The following DGKG variants were observed in gnomAD, a reference collection of about 807,000 sequenced individuals.
The protein encoded by DGKG is DAG kinase gamma.
A neutral mutation model predicts 105.3 loss-of-function variants in DGKG; 78 were observed. The ratio of observed to expected loss-of-function variants is 0.74; its 90% CI spans 0.62 to 0.89. DGKG has a LOEUF of 0.89. Among genes scored for constraint, DGKG ranks in the 40% least tolerant of loss-of-function variants. DGKG has a pLI of 0.00. For synonymous variants in DGKG, 346 were observed against 367.1 expected, an observed-to-expected ratio of 0.94 and a Z score of 0.66; for missense variants, 958 against 1,020.1, an observed-to-expected ratio of 0.94 and a Z score of 0.83.
At chr3:186,150,867 C>T (rs560209328) in intron 24 of DGKG, among the ~76,000 whole-genome samples, 1 of 152,264 alleles carries the variant, frequency 6.6e-6, no homozygotes, top group East Asian at 1.9e-4. Context: ...CTCATTTTTG[C>T]CTTTATTCCC....
chr3:186,278,440 G>A (rs1039285703), intron 9 of DGKG, among the ~76,000 whole-genome samples: 4 of 152,160 alleles, frequency 2.6e-5, no homozygotes, highest in Non-Finnish European at 5.9e-5. Context: ...CGTGATGTGA[G>A]CGAGTAAGGG....
At chr3:186,225,800 T>G (rs1000012822) in intron 20 of DGKG, among the ~76,000 whole-genome samples, 2 of 152,204 alleles carry the variant, frequency 1.3e-5, no homozygotes, top group Non-Finnish European at 2.9e-5. Flanking sequence ...CCCCTGGGAA[T>G]TTCCCTGGAC....
chr3:186,211,744 C>T (rs1560097433), intron 21 of DGKG, 51 bp downstream of exon 21: 2 of 1,335,976 alleles, frequency 1.5e-6, no homozygotes, highest in East Asian at 4.6e-5. Context: ...GTGTGACAGT[C>T]CAGGAGCAGA....
At chr3:186,211,165 A>C (rs1243546775) in intron 21 of DGKG, among the ~76,000 whole-genome samples, 1 of 152,224 alleles carries the variant, frequency 6.6e-6, no homozygotes, top group Non-Finnish European at 1.5e-5. Context: ...GGCCTAGTTC[A>C]AAATGAAAAT....
intron 20 of DGKG, among the ~76,000 whole-genome samples, chr3:186,217,857 G>T (rs1336586649): frequency 2.0e-5 from 3 of 152,160 alleles, no homozygotes; most frequent in African/African-American, 7.2e-5. Context: ...ATTTATTTGG[G>T]CTTAGAAGTC....
chr3:186,242,491 G>T lies in DGKG; in HGVS notation c.1826+13C>A, dbSNP rs774674542. The stretch of plus-strand genomic sequence containing the variant: ...ACTGGGTGGGTGGCAGCGCAGCCGG[G>T]CCTGCAGCTTACCTGCTGTTGAATT... On this transcript the variant is annotated intron_variant, in intron 20 of 24. Coordinates refer to ENST00000265022, the MANE Select transcript of DGKG (RefSeq NM_001346.3). 7 of 1,609,656 alleles carry T rather than the reference G, an allele frequency of 4.3e-6. No individual in the cohort carries two copies. Among genetic ancestry groups the T allele is most frequent in the Non-Finnish European group, 4.2e-6 (5 of 1,177,502 alleles).
chr3:186,239,230 G>T (rs1720560643), intron 20 of DGKG, among the ~76,000 whole-genome samples: 1 of 152,170 alleles, frequency 6.6e-6, no homozygotes, highest in African/African-American at 2.4e-5. Flanking sequence ...ACAAAACACA[G>T]CAATGACAAC....
chr3:186,222,944 A>T (rs904571575), intron 20 of DGKG, among the ~76,000 whole-genome samples: 4 of 148,438 alleles, frequency 2.7e-5, no homozygotes, highest in Non-Finnish European at 4.5e-5. Context: ...TGGGCGACAG[A>T]GTGAGACTCT....
chr3:186,297,956 T>C (rs1723671235), intron 4 of DGKG, 108 bp downstream of exon 4: 1 of 1,336,708 alleles, frequency 7.5e-7, no homozygotes, highest in Admixed American at 2.4e-5. Flanking sequence ...GTTCGCACCG[T>C]TGGGGCAGTT....
intron 2 of DGKG, 27 bp downstream of exon 2, chr3:186,320,366 C>T: frequency 6.2e-7 from 1 of 1,613,886 alleles, no homozygotes; most frequent in Non-Finnish European, 8.5e-7. Flanking sequence ...GAAATCCCGT[C>T]CCAGGGCTGT....
rs182290999 is a variant in DGKG, at chr3:186,220,618, C to T, written c.1827-8733G>A. Among the ~76,000 whole-genome samples the T allele has an allele frequency of 2.5e-3, 384 of 152,230 alleles. 2 individuals carry two copies. Among genetic ancestry groups the T allele is most frequent in the Non-Finnish European group, 3.6e-3 (242 of 68,018 alleles). On this transcript the variant is annotated intron_variant, in intron 20 of 24. Transcript: ENST00000265022. Reference sequence around the variant, plus strand: ...TGGGTTTACTCACATCTACCACATGCGCCACCGGTATGGCTGTAGGATCCC... The same window carrying T: ...TGGGTTTACTCACATCTACCACATGTGCCACCGGTATGGCTGTAGGATCCC...
intron 22 of DGKG, among the ~76,000 whole-genome samples, chr3:186,185,900 C>T (rs184762465): frequency 1.3e-5 from 2 of 151,706 alleles, no homozygotes; most frequent in African/African-American, 2.4e-5. Context: ...AGTTTGAGAC[C>T]AGCCTGGTCA....
intron 5 of DGKG, among the ~76,000 whole-genome samples, chr3:186,294,308 T>C (rs1723443975): frequency 6.6e-6 from 1 of 152,162 alleles, no homozygotes; most frequent in Non-Finnish European, 1.5e-5. Flanking sequence ...GGAACCTCAG[T>C]GAATGAATTG....
chr3:186,260,607 C>A, intron 15 of DGKG, 94 bp from the exon 16 acceptor site: 1 of 939,244 alleles, frequency 1.1e-6, no homozygotes, highest in South Asian at 1.4e-5. Flanking sequence ...CTCTGGAGCC[C>A]ACTGGTGGCA....
At chr3:186,195,292 C>A (rs1030624417) in intron 21 of DGKG, among the ~76,000 whole-genome samples, 1 of 108,938 alleles carries the variant, frequency 9.2e-6, no homozygotes, top group Non-Finnish European at 2.3e-5. Flanking sequence ...CAAAAAAAAA[C>A]AAAACAAAAA....
chr3:186,165,039 A>C, intron 22 of DGKG, 21 bp from the exon 23 acceptor site: 11 of 1,607,006 alleles, frequency 6.8e-6, no homozygotes, highest in Non-Finnish European at 9.3e-6. Flanking sequence ...AGACAGCAAA[A>C]GTAGTGCATA....
chr3:186,218,807 G>A (rs1294599763), intron 20 of DGKG, among the ~76,000 whole-genome samples: 1 of 152,074 alleles, frequency 6.6e-6, no homozygotes, highest in African/African-American at 2.4e-5. Context: ...TAGCCAACAG[G>A]ACATTTCTGT....
chr3:186,277,011 C>T (rs567417658), intron 9 of DGKG, among the ~76,000 whole-genome samples: 10 of 152,270 alleles, frequency 6.6e-5, no homozygotes, highest in African/African-American at 1.9e-4. Flanking sequence ...GCCAGAGAAG[C>T]TATTTTCTTC....
intron 1 of DGKG, among the ~76,000 whole-genome samples, chr3:186,332,401 G>C (rs538192571): frequency 6.2e-4 from 95 of 152,316 alleles, no homozygotes; most frequent in African/African-American, 2.0e-3. Context: ...GCAGGGTTGT[G>C]AATAGCAATG....
Sources: allele counts gnomAD v4.1 joint callset (sites outside exome capture counted in the v4.1 genomes callset), GRCh38; gene constraint gnomAD v4.1.1; transcripts MANE v1.5; gene names NCBI Gene and HGNC (gene_info 2026-07-23, HGNC 2026-07-21).